FAM118B: variants seen among roughly 807,000 people sequenced by gnomAD.
FAM118B encodes protein FAM118B.
FAM118B carries 24 observed loss-of-function variants against 38.5 expected under a neutral mutation model. That is an observed-to-expected ratio of 0.62 (90% CI 0.45 to 0.88). The LOEUF (loss-of-function observed/expected upper bound fraction) is 0.88. Ranked by LOEUF, FAM118B falls within the 40% of genes least tolerant of loss-of-function variation. The pLI, the probability that FAM118B is intolerant of heterozygous loss-of-function variation, is 0.00. For synonymous variants in FAM118B, 138 were observed against 156.3 expected (o/e 0.88, Z 0.87); for missense variants, 334 against 420.0 (o/e 0.80, Z 1.79).
intron 1 of FAM118B, among the ~76,000 whole-genome samples, chr11:126,213,978 A>G (rs1311001593): frequency 6.6e-6 from 1 of 152,224 alleles, no homozygotes; most frequent in Non-Finnish European, 1.5e-5. Context: ...GTATGGGTAC[A>G]TAAGTTATGA....
At chr11:126,211,771 T>C (rs1949880099), upstream of FAM118B, 7 of 1,011,850 alleles carry the variant, frequency 6.9e-6, no homozygotes, top group Non-Finnish European at 8.6e-6. Context: ...CGGTGCGCGC[T>C]CAGTGCGGCT....
At chr11:126,237,940 A>G (rs1950303561) in intron 3 of FAM118B, among the ~76,000 whole-genome samples, 1 of 150,496 alleles carries the variant, frequency 6.6e-6, no homozygotes, top group African/African-American at 2.4e-5. Context: ...TTCCCATACT[A>G]TCTCTTATTT....
At chr11:126,260,967 A>T (rs1049489919) in intron 7 of FAM118B, 4 of 155,610 alleles carry the variant, frequency 2.6e-5, no homozygotes, top group Admixed American at 1.3e-4. Context: ...TTTTAATTTG[A>T]AACCAAGTAG....
intron 2 of FAM118B, chr11:126,233,765 A>C (rs1328817729): frequency 2.2e-6 from 1 of 456,084 alleles, no homozygotes; most frequent in African/African-American, 2.0e-5. Context: ...ATTAATTCAG[A>C]AACTTAGTGT....
chr11:126,227,058 CTTTTTTTTTTTT>C (rs575065140), intron 1 of FAM118B, among the ~76,000 whole-genome samples: 1 of 97,172 alleles, frequency 1.0e-5, no homozygotes, highest in African/African-American at 3.8e-5. Context: ...ATACAAGCTT[CTTTTTTTTTTTT>C]TTTTTTTTTT....
At chr11:126,243,856 A>G (rs1950388794) in intron 4 of FAM118B, among the ~76,000 whole-genome samples, 1 of 151,340 alleles carries the variant, frequency 6.6e-6, no homozygotes, top group Non-Finnish European at 1.5e-5. Flanking sequence ...GTGAGCCAAG[A>G]TCGCACCACT....
At chr11:126,212,824 T>C (rs1949904744) in intron 1 of FAM118B, among the ~76,000 whole-genome samples, 1 of 152,130 alleles carries the variant, frequency 6.6e-6, no homozygotes, top group Admixed American at 6.5e-5. Context: ...GTTGAAGAGT[T>C]TGAACTAGAG....
intron 8 of FAM118B, among the ~76,000 whole-genome samples, chr11:126,261,834 T>A (rs926511493): frequency 1.2e-4 from 18 of 151,970 alleles, no homozygotes; most frequent in East Asian, 7.7e-4. Flanking sequence ...ACAAAAAAAA[T>A]TTTTTTAAAT....
At chr11:126,214,521 TTTTTTTA>T (rs1949953782) in intron 1 of FAM118B, 1 of 123,654 alleles carries the variant, frequency 8.1e-6, no homozygotes, top group East Asian at 3.3e-4. Context: ...TTTGTTTTTT[TTTTTTTA>T]CCTCTATATT....
At chr11:126,237,904 T>C (rs1950302546) in intron 3 of FAM118B, among the ~76,000 whole-genome samples, 1 of 151,614 alleles carries the variant, frequency 6.6e-6, no homozygotes, top group East Asian at 1.9e-4. Flanking sequence ...AGGATATCAT[T>C]GTTTTCTTTT....
chr11:126,256,322 C>A lies in FAM118B; in HGVS notation c.697-245C>A, dbSNP rs1020118826. Among the ~76,000 whole-genome samples, 1 of 152,216 alleles carries A rather than the reference C, an allele frequency of 6.6e-6. No individual in the cohort carries two copies. Among genetic ancestry groups the A allele is most frequent in the African/African-American group, 2.4e-5 (1 of 41,472 alleles). On this transcript the variant is annotated intron_variant, in intron 6 of 8. Transcript: ENST00000533050. The surrounding 1 kb of genome is among the most constrained non-coding windows in gnomAD (Gnocchi z 6.6). ...GTAAACTACTGCACCAGTACACTGA[C>A]ACCAGCTCTATGAAACGCTGATTAG... is the stretch of plus-strand genomic sequence containing the variant.
At chr11:126,213,438 A>G (rs1421229468) in intron 1 of FAM118B, among the ~76,000 whole-genome samples, 3 of 152,200 alleles carry the variant, frequency 2.0e-5, no homozygotes, top group Non-Finnish European at 4.4e-5. Flanking sequence ...CAAATTTACC[A>G]GTAAGACAGA....
rs1333646340 is a variant in FAM118B, at chr11:126,253,894, AT to A, written c.568-409del. 6.6e-6 allele frequency among the ~76,000 whole-genome samples: 1 copy of A among 152,176 alleles called. No homozygotes were observed. Among genetic ancestry groups the A allele is most frequent in the African/African-American group, 2.4e-5 (1 of 41,456 alleles). On this transcript the variant is annotated intron_variant, in intron 5 of 8. Coordinates refer to ENST00000533050, the MANE Select transcript of FAM118B (RefSeq NM_024556.4). This position sits in a 1 kb window ranked among gnomAD's most constrained non-coding sequence, Gnocchi z 5.1. Reference sequence around the variant, plus strand: ...GCTTGTGTGTGTTTGCTAGTATCCCATTGGCTAAAAGCAAGCCATGTGGTTA... The same window carrying A: ...GCTTGTGTGTGTTTGCTAGTATCCCATGGCTAAAAGCAAGCCATGTGGTTA...
In FAM118B at chr11:126,228,812, G is replaced by C. The variant is rs556213100; in HGVS notation, c.-76-413G>C. ...CTGACCTCTTGATCCACCCGCCTTGGCCCCCCAAAGTGCTGGGATTACAGG... is the reference window on the plus strand; with the variant it reads ...CTGACCTCTTGATCCACCCGCCTTGCCCCCCCAAAGTGCTGGGATTACAGG... On this transcript the variant is annotated intron_variant, in intron 1 of 8. Coordinates refer to ENST00000533050, the MANE Select transcript of FAM118B (RefSeq NM_024556.4). Among the ~76,000 whole-genome samples, 4 of 152,212 alleles carry C rather than the reference G, an allele frequency of 2.6e-5. No homozygotes were observed. In the South Asian group the frequency reaches 8.3e-4, roughly 32 times the overall value.
chr11:126,219,342 T>G (rs981192403), intron 1 of FAM118B, among the ~76,000 whole-genome samples: 17 of 134,644 alleles, frequency 1.3e-4, no homozygotes, highest in African/African-American at 4.3e-4. Flanking sequence ...CTTCAGCTCT[T>G]GTTTATCTTT....
At chr11:126,225,163 G>A (rs755685523) in intron 1 of FAM118B, among the ~76,000 whole-genome samples, 4 of 152,150 alleles carry the variant, frequency 2.6e-5, no homozygotes, top group Non-Finnish European at 5.9e-5. Context: ...CAGCGATTGT[G>A]GGCTTAGGGA....
chr11:126,249,928 C>A (rs2135197665), intron 4 of FAM118B, among the ~76,000 whole-genome samples: 1 of 151,976 alleles, frequency 6.6e-6, no homozygotes, highest in East Asian at 1.9e-4. Context: ...AAATTCATAT[C>A]CCTTGGCCAG....
chr11:126,222,263 A>G (rs941257219), intron 1 of FAM118B, among the ~76,000 whole-genome samples: 1 of 152,204 alleles, frequency 6.6e-6, no homozygotes, highest in Admixed American at 6.5e-5. Flanking sequence ...CTTACTGTCA[A>G]TGCTATGTAG....
At chr11:126,254,795 C>G (rs1424457162) in intron 6 of FAM118B, among the ~76,000 whole-genome samples, 1 of 152,146 alleles carries the variant, frequency 6.6e-6, no homozygotes, top group East Asian at 1.9e-4. Context: ...CCACTGCACT[C>G]CAGCTTGGGT....
Sources: allele counts gnomAD v4.1 joint callset (sites outside exome capture counted in the v4.1 genomes callset), GRCh38; gene constraint gnomAD v4.1.1; non-coding constraint Gnocchi (gnomAD v3.1); transcripts MANE v1.5; gene names NCBI Gene and HGNC (gene_info 2026-07-23, HGNC 2026-07-21).